Variants in MBOAT2 observed in about 807,000 individuals in gnomAD.
The protein encoded by MBOAT2 is membrane bound glycerophospholipid O-acyltransferase 2, also known as membrane-bound glycerophospholipid O-acyltransferase 2.
Under a neutral mutation model 63.4 loss-of-function variants are expected in MBOAT2, and 28 were observed. That is an observed-to-expected ratio of 0.44 (90% CI 0.33 to 0.61). The LOEUF is 0.61. Ranked by LOEUF, MBOAT2 falls within the 20% of genes least tolerant of loss-of-function variation. MBOAT2 has a pLI of 0.03. For missense variants in MBOAT2, 470 were observed against 605.8 expected, an observed-to-expected ratio of 0.78 and a Z score of 2.35; for synonymous variants, 211 against 215.6, an observed-to-expected ratio of 0.98 and a Z score of 0.19.
chr2:8,956,288 G>T (rs1349124181), intron 2 of MBOAT2, among the ~76,000 whole-genome samples: 2 of 152,146 alleles, frequency 1.3e-5, no homozygotes, highest in African/African-American at 4.8e-5. Flanking sequence ...GTTAATTCCA[G>T]TTAGCAAAGA....
intron 3 of MBOAT2, among the ~76,000 whole-genome samples, chr2:8,928,382 C>T (rs1667079713): frequency 6.6e-6 from 1 of 152,010 alleles, no homozygotes; most frequent in South Asian, 2.1e-4. Context: ...CTAAGGTGAC[C>T]CCTGGCACAG....
chr2:8,860,833 A>C lies in MBOAT2; in HGVS notation c.1186-69T>G, dbSNP rs550543915. 28 of 1,227,742 alleles carry C rather than the reference A, an allele frequency of 2.3e-5. No homozygotes were observed. The African/African-American group carries it at 4.1e-4, about 18-fold the overall frequency. 76.1% of individuals were successfully genotyped at this position (1,227,742 alleles called of 1,614,324 possible). A position where few individuals can be genotyped will look rare whatever the true frequency, so the allele number is the denominator to read the frequency against. ...CATTACTTATGCAGTTACACTGGTG[A>C]TATCAACTGTTGGAAGGATGTGGAG... On this transcript the variant is annotated intron_variant, in intron 11 of 12. Coordinates refer to ENST00000305997, the MANE Select transcript of MBOAT2 (RefSeq NM_138799.4).
At chr2:8,983,514 A>G (rs1671345018) in intron 1 of MBOAT2, among the ~76,000 whole-genome samples, 1 of 152,200 alleles carries the variant, frequency 6.6e-6, no homozygotes, top group South Asian at 2.1e-4. Context: ...CTTCCAGAAA[A>G]CAGAAGAGGA....
At chr2:8,892,501 T>C (rs1047994164) in intron 4 of MBOAT2, among the ~76,000 whole-genome samples, 1 of 152,216 alleles carries the variant, frequency 6.6e-6, no homozygotes, top group African/African-American at 2.4e-5. Flanking sequence ...GCACCTACGA[T>C]GCACCAAGTA....
In MBOAT2 at chr2:8,918,540, C is replaced by G. The variant is rs188975399; in HGVS notation, c.300-9824G>C. Among the ~76,000 whole-genome samples, 4 of 152,268 alleles carry G rather than the reference C, an allele frequency of 2.6e-5. No individual in the cohort carries two copies. The East Asian group carries it at 7.7e-4, about 29-fold the overall frequency. ...TTGCTGGGTGCAGGGATGCCACAAA[C>G]TTTCTGTTTGTTTAATAAAAAGAAA... On this transcript the variant is annotated intron_variant, in intron 3 of 12. Transcript: ENST00000305997.
At chr2:8,863,499 C>G (rs1475376814) in intron 10 of MBOAT2, among the ~76,000 whole-genome samples, 2 of 152,158 alleles carry the variant, frequency 1.3e-5, no homozygotes, top group Non-Finnish European at 2.9e-5. Flanking sequence ...CTCCACCCAG[C>G]CTGGCTTGCC....
At chr2:8,959,560 C>T (rs1334320426) in intron 1 of MBOAT2, among the ~76,000 whole-genome samples, 2 of 151,526 alleles carry the variant, frequency 1.3e-5, no homozygotes, top group Non-Finnish European at 2.9e-5. Flanking sequence ...CTCCCGGGCT[C>T]GGGCAATTCT....
chr2:8,877,825 G>A (rs1662806576), intron 6 of MBOAT2, among the ~76,000 whole-genome samples: 1 of 152,146 alleles, frequency 6.6e-6, no homozygotes, highest in African/African-American at 2.4e-5. Context: ...AGGGAATGAT[G>A]CGTGAAGACC....
chr2:8,980,994 A>G (rs1671157037), intron 1 of MBOAT2, among the ~76,000 whole-genome samples: 1 of 152,224 alleles, frequency 6.6e-6, no homozygotes, highest in Non-Finnish European at 1.5e-5. Context: ...TGGCATATCC[A>G]TATAATGAAA....
intron 4 of MBOAT2, among the ~76,000 whole-genome samples, chr2:8,902,933 A>G (rs1451647912): frequency 6.6e-6 from 1 of 152,086 alleles, no homozygotes; most frequent in African/African-American, 2.4e-5. Context: ...CATCCTGCTG[A>G]TTGGTCAATT....
chr2:8,911,693 T>A (rs1193230587), intron 3 of MBOAT2, among the ~76,000 whole-genome samples: 1 of 152,102 alleles, frequency 6.6e-6, no homozygotes, highest in Non-Finnish European at 1.5e-5. Context: ...CGCTCTTTCC[T>A]CCTCTCTGGC....
At chr2:8,908,416 A>G (rs576911675) in intron 4 of MBOAT2, 1 of 429,552 alleles carries the variant, frequency 2.3e-6, no homozygotes, top group African/African-American at 2.1e-5. Flanking sequence ...TTAGGCAGGA[A>G]GAAGCAGAAC....
intron 3 of MBOAT2, among the ~76,000 whole-genome samples, chr2:8,930,192 GTTAA>G (rs1353641371): frequency 1.3e-5 from 2 of 152,300 alleles, no homozygotes; most frequent in East Asian, 1.9e-4. Flanking sequence ...TCTGAGACAT[GTTAA>G]TTGTCTTTGT....
intron 4 of MBOAT2, among the ~76,000 whole-genome samples, chr2:8,898,863 G>T (rs1047373405): frequency 6.6e-6 from 1 of 152,244 alleles, no homozygotes; most frequent in African/African-American, 2.4e-5. Flanking sequence ...GCAGGTTATA[G>T]GGGTTGGGTA....
chr2:8,948,860 T>G (rs1163307104), intron 2 of MBOAT2, among the ~76,000 whole-genome samples: 3 of 152,230 alleles, frequency 2.0e-5, no homozygotes, highest in South Asian at 4.1e-4. Flanking sequence ...ATATACCCAG[T>G]AATGGGATTG....
chr2:8,984,219 A>G (rs1671395603), intron 1 of MBOAT2, among the ~76,000 whole-genome samples: 1 of 152,204 alleles, frequency 6.6e-6, no homozygotes, highest in African/African-American at 2.4e-5. Flanking sequence ...CTTCACAGAA[A>G]CAAAAGGCCA....
At chr2:8,900,157 C>A (rs1372155996) in intron 4 of MBOAT2, among the ~76,000 whole-genome samples, 1 of 152,088 alleles carries the variant, frequency 6.6e-6, no homozygotes, top group Non-Finnish European at 1.5e-5. Context: ...GAACACAGGA[C>A]AACAGATGTT....
rs578070170 is a variant in MBOAT2 at position 8,912,419 on chromosome 2, G to C, written c.300-3703C>G. Among the ~76,000 whole-genome samples the C allele has an allele frequency of 1.4e-5, 2 of 147,854 alleles. 1 individual carries two copies. Among genetic ancestry groups the C allele is most frequent in the African/African-American group, 5.3e-5 (2 of 37,978 alleles). Reference sequence around the variant, plus strand: ...AGAAAGAAAGAAAGAAAGAAAGACAGGCCGGCCGGCCTTGAAAACCCTAAG... The same window carrying C: ...AGAAAGAAAGAAAGAAAGAAAGACACGCCGGCCGGCCTTGAAAACCCTAAG... On this transcript the variant is annotated intron_variant, in intron 3 of 12. Transcript: ENST00000305997.
chr2:8,949,910 C>G (rs1016138799), intron 2 of MBOAT2, among the ~76,000 whole-genome samples: 5 of 152,012 alleles, frequency 3.3e-5, no homozygotes, highest in African/African-American at 9.7e-5. Flanking sequence ...TTGCTTTGGG[C>G]AGTATGGCCA....
Sources: gnomAD v4.1 joint callset for allele counts (sites outside exome capture counted in the v4.1 genomes callset) on GRCh38, gnomAD v4.1.1 for gene constraint, MANE v1.5 for transcripts, NCBI Gene and HGNC (gene_info 2026-07-23, HGNC 2026-07-21) for gene names.